TWNK: variants seen among roughly 807,000 people sequenced by gnomAD.
TWNK encodes the protein T7 gp4-like protein with intramitochondrial nucleoid localization.
A neutral mutation model predicts 58.2 loss-of-function variants in TWNK; 36 were observed. The ratio of observed to expected loss-of-function variants is 0.62; its 90% CI spans 0.47 to 0.82. TWNK has a LOEUF of 0.82. Among genes scored for constraint, TWNK ranks in the 40% least tolerant of loss-of-function variants. The pLI, the probability that TWNK is intolerant of heterozygous loss-of-function variation, is 0.00. For synonymous variants in TWNK, 349 were observed against 348.5 expected, an observed-to-expected ratio of 1.00 and a Z score of -0.02; for missense variants, 714 against 881.0, an observed-to-expected ratio of 0.81 and a Z score of 2.40.
chr10:100,992,164 C>T (rs1851795249), intron 4 of TWNK, among the ~76,000 whole-genome samples: 1 of 147,964 alleles, frequency 6.8e-6, no homozygotes, highest in Non-Finnish European at 1.5e-5. Flanking sequence ...GCTCACACCA[C>T]TGCACTCCAC....
intron 4 of TWNK, among the ~76,000 whole-genome samples, chr10:100,992,528 T>TAAAAAA (rs1209775610): frequency 1.2e-4 from 11 of 91,110 alleles, no homozygotes; most frequent in Admixed American, 1.5e-4. Flanking sequence ...ACCCTGTCTT[T>TAAAAAA]AAAAAAAAAA....
chr10:100,989,975 T>A lies in TWNK; in HGVS notation c.1484+91T>A. Reference sequence around the variant, plus strand: ...TTCCTTTTCCAGCTCCAGTAGGAACTCCCCCATCTCCTTAGGTTTGGAGTT... The same window carrying A: ...TTCCTTTTCCAGCTCCAGTAGGAACACCCCCATCTCCTTAGGTTTGGAGTT... On this transcript the variant is annotated intron_variant, in intron 2 of 4. Transcript: ENST00000311916. This position sits in a 1 kb window ranked among gnomAD's most constrained non-coding sequence, Gnocchi z 7.6. The A allele has an allele frequency of 6.6e-7, 1 of 1,505,930 alleles. No individual in the cohort carries two copies. Among genetic ancestry groups the A allele is most frequent in the Non-Finnish European group, 9.2e-7 (1 of 1,083,576 alleles). 93.3% of individuals were successfully genotyped at this position (1,505,930 alleles called of 1,614,324 possible). A position where few individuals can be genotyped will look rare whatever the true frequency, so the allele number is the denominator to read the frequency against.
Position 100,993,529 on chromosome 10 carries a change from C to A in TWNK, c.*19C>A. On this transcript the variant is annotated 3_prime_UTR_variant, in exon 5 of 5. Coordinates refer to ENST00000311916, the MANE Select transcript of TWNK (RefSeq NM_021830.5). ...AAAGTGAAGGCCGTGCAGAGCTGGT[C>A]ACTGAAATGAGCCTGATAGGATAGG... 6.2e-7 allele frequency: 1 copy of A among 1,613,506 alleles called. No homozygotes were observed. Among genetic ancestry groups the A allele is most frequent in the South Asian group, 1.1e-5 (1 of 90,990 alleles).
rs754641566 is a variant in TWNK at position 100,990,905 on chromosome 10, G to A, written c.1629G>A (p.Arg543=). The A allele has an allele frequency of 6.2e-7, 1 of 1,614,236 alleles. No homozygotes were observed. Among genetic ancestry groups the A allele is most frequent in the South Asian group, 1.1e-5 (1 of 91,092 alleles). The change falls in exon 4 of 5, where the codon CGG becomes CGA. Residue 543 remains arginine (R), a synonymous_variant. Transcript: ENST00000311916. ...AAGACTACATCATCGGGGTCTTTCGGAAGTTTGCAACAGACAATAACTGCC... is the reference window on the plus strand; with the variant it reads ...AAGACTACATCATCGGGGTCTTTCGAAAGTTTGCAACAGACAATAACTGCC... The part of the protein sequence containing the change: ...AAQDYIIGVF[R]KFATDNNCHV...
intron 4 of TWNK, among the ~76,000 whole-genome samples, chr10:100,992,203 A>ATT (rs1851796535): frequency 9.1e-6 from 1 of 109,350 alleles, no homozygotes. Context: ...GTGAGACCCT[A>ATT]TCTTTTTTTT....
chr10:100,990,993 A>AT lies in TWNK; in HGVS notation c.1722dup (p.Gly575TrpfsTer37). ...TGACAAGGAACTGCAGACAGCGTCC[A>AT]TTTTTGGCTCAGCCAAAGTGAGTGG... On this transcript the variant is annotated frameshift_variant, in exon 4 of 5. Transcript: ENST00000311916. LOFTEE classifies it high-confidence loss of function. The AT allele has an allele frequency of 1.2e-6, 2 of 1,614,228 alleles. No individual in the cohort carries two copies. Among genetic ancestry groups the AT allele is most frequent in the Non-Finnish European group, 1.7e-6 (2 of 1,180,030 alleles).
Position 100,993,430 on chromosome 10 carries a change from G to A in TWNK, c.1975G>A (p.Ala659Thr), listed in dbSNP as rs370814108. ...AAAGCCCTCTTCTGGCAAAAAGGGGGCTACGACACAGAACTCTGAGATTTG... is the reference window on the plus strand; with the variant it reads ...AAAGCCCTCTTCTGGCAAAAAGGGGACTACGACACAGAACTCTGAGATTTG... ...AKKPSSGKKG[A>T]TTQNSEICSG... Residue 659 changes from alanine to threonine, a missense_variant, in exon 5 of 5, where the codon GCT (alanine) becomes ACT (threonine). This residue lies in a region of TWNK where 64 missense variants were observed against 54.0 expected (regional missense o/e 1.19). Coordinates refer to ENST00000311916, the MANE Select transcript of TWNK (RefSeq NM_021830.5). The A allele has an allele frequency of 7.6e-5, 122 of 1,614,062 alleles. No individual in the cohort carries two copies. Among genetic ancestry groups the A allele is most frequent in the Non-Finnish European group, 1.4e-5 (17 of 1,180,048 alleles).
Position 100,989,953 on chromosome 10 carries a change from CT to C in TWNK, c.1484+73del. Reference sequence around the variant, plus strand: ...CCCAGCACTCAGGAACCTTTGGTTCCTTTTCCAGCTCCAGTAGGAACTCCCC... The same window carrying C: ...CCCAGCACTCAGGAACCTTTGGTTCCTTTCCAGCTCCAGTAGGAACTCCCC... On this transcript the variant is annotated intron_variant, in intron 2 of 4. Transcript: ENST00000311916. The surrounding 1 kb of genome is among the most constrained non-coding windows in gnomAD (Gnocchi z 7.6). The C allele has an allele frequency of 1.3e-6, 2 of 1,596,854 alleles. No homozygotes were observed. The highest frequency in any genetic ancestry group is 1.7e-6 in the Non-Finnish European group (2 of 1,165,012).
intron 4 of TWNK, among the ~76,000 whole-genome samples, chr10:100,992,314 A>G (rs1240976550): frequency 7.0e-6 from 1 of 142,374 alleles, no homozygotes; most frequent in Non-Finnish European, 1.5e-5. Context: ...CCCAGGTTCA[A>G]GTGATTCTCC....
intron 4 of TWNK, among the ~76,000 whole-genome samples, 185 bp from the exon 5 acceptor site, chr10:100,993,005 C>T (rs2133946597): frequency 6.6e-6 from 1 of 152,304 alleles, no homozygotes; most frequent in Non-Finnish European, 1.5e-5. Context: ...CCAGGATGGT[C>T]TTGATTTCCT....
chr10:100,993,568 C>G lies in TWNK; in HGVS notation c.*58C>G. 1 of 1,572,532 alleles carries G rather than the reference C, an allele frequency of 6.4e-7. No individual in the cohort carries two copies. Among genetic ancestry groups the G allele is most frequent in the Non-Finnish European group, 8.7e-7 (1 of 1,147,618 alleles). ...TGATAGGATAGGCTGGAGCATAAAA[C>G]TCTGCAAGGGCTCCTCTATCCTGTG... On this transcript the variant is annotated 3_prime_UTR_variant, in exon 5 of 5. Coordinates refer to ENST00000311916, the MANE Select transcript of TWNK (RefSeq NM_021830.5).
chr10:100,988,922 A>G lies in TWNK; in HGVS notation c.712A>G (p.Ile238Val), dbSNP rs774241806. 63 of 1,614,010 alleles carry G rather than the reference A, an allele frequency of 3.9e-5. No individual in the cohort carries two copies. Among genetic ancestry groups the G allele is most frequent in the Non-Finnish European group, 5.2e-5 (61 of 1,180,018 alleles). The change falls in exon 1 of 5, where the codon ATT becomes GTT. Residue 238 changes from isoleucine to valine, a missense_variant. Physicochemically the swap from Ile to Val is conservative, Grantham distance 29. Around this residue, in one of 3 missense-constraint regions of TWNK, gnomAD observed 348 missense variants for 388.4 expected, o/e 0.90. Coordinates refer to ENST00000311916, the MANE Select transcript of TWNK (RefSeq NM_021830.5). The surrounding 1 kb of genome is among the most constrained non-coding windows in gnomAD (Gnocchi z 5.2). ...GDGVSYEETT[I>V]PRPSAYHNLF... ...TGGAGTGAGCTACGAGGAAACCACT[A>G]TTCCCCGACCCAGCGCCTACCACAA...
chr10:100,988,997 A>T lies in TWNK; in HGVS notation c.787A>T (p.Thr263Ser). The T allele has an allele frequency of 6.2e-7, 1 of 1,614,150 alleles. No individual in the cohort carries two copies. The highest frequency in any genetic ancestry group is 1.1e-5 in the South Asian group (1 of 91,082). Residue 263 changes from threonine to serine, a missense_variant, in exon 1 of 5, where the codon ACG becomes TCG. Thr to Ser is a moderately conservative substitution (Grantham distance 58). This residue lies in a region of TWNK where 348 missense variants were observed against 388.4 expected (regional missense o/e 0.90). Coordinates refer to ENST00000311916, the MANE Select transcript of TWNK (RefSeq NM_021830.5). The surrounding 1 kb of genome is among the most constrained non-coding windows in gnomAD (Gnocchi z 5.2). ...TCGTCGAGATGCTGAGGTGGTACTG[A>T]CGAGTCGTGAGCTTGACAGCCTGGC... is the stretch of plus-strand genomic sequence containing the variant. ...ISRRDAEVVL[T>S]SRELDSLALN...
At position 100,989,485 on chromosome 10, in the gene TWNK, A is replaced by G; in HGVS notation, c.1243+32A>G. On this transcript the variant is annotated intron_variant, in intron 1 of 4. Coordinates refer to ENST00000311916, the MANE Select transcript of TWNK (RefSeq NM_021830.5). The surrounding 1 kb of genome is among the most constrained non-coding windows in gnomAD (Gnocchi z 7.6). Reference sequence around the variant, plus strand: ...CTTTGAGAAATCACTACTTAGAGTAAAGGGGCAGAAGATCAGGTGACAAAA... The same window carrying G: ...CTTTGAGAAATCACTACTTAGAGTAGAGGGGCAGAAGATCAGGTGACAAAA... The G allele has an allele frequency of 6.2e-7, 1 of 1,612,216 alleles. No individual in the cohort carries two copies. Among genetic ancestry groups the G allele is most frequent in the Non-Finnish European group, 8.5e-7 (1 of 1,179,900 alleles).
intron 4 of TWNK, among the ~76,000 whole-genome samples, 160 bp from the exon 5 acceptor site, chr10:100,993,030 C>T (rs1015119665): frequency 6.6e-6 from 1 of 152,014 alleles, no homozygotes; most frequent in Non-Finnish European, 1.5e-5. Context: ...TCGTGATCCA[C>T]TCGACTCGGC....
rs1851740354 is a variant in TWNK at position 100,990,522 on chromosome 10, A to G, written c.1571A>G (p.His524Arg). The part of the protein sequence containing the change: ...IIDNLQFMMG[H>R]EQLSTDRIAA... ...GACAACCTGCAGTTCATGATGGGTC[A>G]CGAGCAGCTGTCCACAGACAGGTGA... The change falls in exon 3 of 5, where the codon CAC (histidine) becomes CGC (arginine). Residue 524 changes from histidine to arginine, a missense_variant. Physicochemically the swap from His to Arg is conservative, Grantham distance 29. This residue lies in a region of TWNK where 302 missense variants were observed against 438.6 expected (regional missense o/e 0.69). Transcript: ENST00000311916. 1.2e-6 allele frequency: 2 copies of G among 1,614,240 alleles called. No homozygotes were observed.
Position 100,993,310 on chromosome 10 carries a change from C to T in TWNK, c.1855C>T (p.Leu619Phe). 3 of 1,614,210 alleles carry T rather than the reference C, an allele frequency of 1.9e-6. No homozygotes were observed. Among genetic ancestry groups the T allele is most frequent in the Admixed American group, 1.7e-5 (1 of 60,014 alleles). Residue 619 changes from leucine (L) to phenylalanine (F), a missense_variant, in exon 5 of 5, where the codon CTT (leucine) becomes TTT (phenylalanine). Leu to Phe is a conservative substitution (Grantham distance 22). Around this residue, in one of 3 missense-constraint regions of TWNK, gnomAD observed 302 missense variants for 438.6 expected, o/e 0.69. Coordinates refer to ENST00000311916, the MANE Select transcript of TWNK (RefSeq NM_021830.5). ...RFDGDVGVFP[L>F]EFNKNSLTFS... ...TGATGGAGATGTAGGTGTCTTCCCG[C>T]TTGAGTTCAACAAGAACTCCCTCAC...
rs1447577439 is a variant in TWNK, at chr10:100,990,487, T to C, written c.1536T>C (p.His512=). 2 of 1,614,214 alleles carry C rather than the reference T, an allele frequency of 1.2e-6. No homozygotes were observed. The highest frequency in any genetic ancestry group is 1.6e-4 in the Middle Eastern group (1 of 6,062). ...QHAVYVYDIC[H]VIIDNLQFMM... is the part of the protein sequence containing the mutation. ...CAGTCTACGTCTATGACATTTGTCA[T>C]GTGATCATCGACAACCTGCAGTTCA... Residue 512 remains histidine, a synonymous_variant, in exon 3 of 5, where the codon CAT becomes CAC. Coordinates refer to ENST00000311916, the MANE Select transcript of TWNK (RefSeq NM_021830.5).
At position 100,989,168 on chromosome 10, in the gene TWNK, T is replaced by A. The variant is rs1323485182; in HGVS notation, c.958T>A (p.Leu320Met). 5 of 1,612,910 alleles carry A rather than the reference T, an allele frequency of 3.1e-6. No homozygotes were observed. In the South Asian group the frequency reaches 5.5e-5, roughly 18 times the overall value. Residue 320 changes from leucine (L) to methionine (M), a missense_variant, in exon 1 of 5, where the codon TTG becomes ATG. Around this residue, in one of 3 missense-constraint regions of TWNK, gnomAD observed 302 missense variants for 438.6 expected, o/e 0.69. Transcript: ENST00000311916. The surrounding 1 kb of genome is among the most constrained non-coding windows in gnomAD (Gnocchi z 7.6). ...CCTTCGGTCCTGGGAAGCCGCCAAG[T>A]TGTTTGCACGAAAACTGAACCCCAA... ...DDLRSWEAAK[L>M]FARKLNPKRC...
Sources: gnomAD v4.1 joint callset for allele counts (sites outside exome capture counted in the v4.1 genomes callset) on GRCh38, gnomAD v4.1.1 for gene constraint, gnomAD v4.1.1 regional missense constraint, Gnocchi (gnomAD v3.1) non-coding constraint, MANE v1.5 for transcripts, NCBI Gene and HGNC (gene_info 2026-07-23, HGNC 2026-07-21) for gene names.